The following SLC39A14 variants were observed in gnomAD, a reference collection of about 807,000 sequenced individuals.
SLC39A14 encodes the protein solute carrier family 39 member 14, also known as metal cation symporter ZIP14.
SLC39A14 carries 19 observed loss-of-function variants against 45.5 expected under a neutral mutation model. The observed-to-expected ratio is 0.42, with a 90% CI of 0.29 to 0.61. SLC39A14 has a LOEUF of 0.61. Ranked by LOEUF, SLC39A14 falls within the 20% of genes least tolerant of loss-of-function variation. The pLI is 0.22. For missense variants in SLC39A14, 447 were observed against 616.5 expected, an observed-to-expected ratio of 0.73 and a Z score of 2.91; for synonymous variants, 264 against 251.3, an observed-to-expected ratio of 1.05 and a Z score of -0.48.
downstream of SLC39A14, among the ~76,000 whole-genome samples, chr8:22,427,301 A>G (rs1836403355): frequency 6.6e-6 from 1 of 152,124 alleles, no homozygotes; most frequent in Non-Finnish European, 1.5e-5. Context: ...CTCCATCTCG[A>G]AAAGAAAAAA....
chr8:22,433,991 T>C, exon 9 of SLC39A14: 2 of 399,966 alleles, frequency 5.0e-6, no homozygotes, highest in Non-Finnish European at 5.1e-6. Context: ...TGTCTAAGCC[T>C]CCCGAGTAAC....
chr8:22,396,172 G>A (rs1017728352), intron 1 of SLC39A14, among the ~76,000 whole-genome samples: 50 of 151,762 alleles, frequency 3.3e-4, no homozygotes, highest in African/African-American at 1.2e-3. Flanking sequence ...TTTGAGACCA[G>A]CTTAGCCAAC....
At chr8:22,368,582 G>A (rs543250061) in intron 1 of SLC39A14, among the ~76,000 whole-genome samples, 3 of 151,370 alleles carry the variant, frequency 2.0e-5, no homozygotes, top group East Asian at 3.9e-4. Flanking sequence ...TGTTGCCCAC[G>A]CAAGAGTGCA....
In SLC39A14 at chr8:22,420,921, T is replaced by G; in HGVS notation, c.*1223T>G. On this transcript the variant is annotated 3_prime_UTR_variant, in exon 9 of 9. Transcript: ENST00000381237. ...TTGCAAAAAAAGTCGAATCCTGCATTGAATTGAATATGAATTTCTCTAACT... is the reference window on the plus strand; with the variant it reads ...TTGCAAAAAAAGTCGAATCCTGCATGGAATTGAATATGAATTTCTCTAACT... 1 of 985,796 alleles carries G rather than the reference T, an allele frequency of 1.0e-6. No homozygotes were observed. Among genetic ancestry groups the G allele is most frequent in the Non-Finnish European group, 1.2e-6 (1 of 829,932 alleles). 61.1% of individuals were successfully genotyped at this position (985,796 alleles called of 1,614,324 possible). A position where few individuals can be genotyped will look rare whatever the true frequency, so the allele number is the denominator to read the frequency against.
chr8:22,408,912 T>C (rs12676477), intron 3 of SLC39A14, among the ~76,000 whole-genome samples: 65,991 of 150,918 alleles, frequency 0.44, 16,056 homozygotes, highest in African/African-American at 0.65. Flanking sequence ...CCTTGACCTT[T>C]TGGCCTGAAG....
rs772603835 is a variant in SLC39A14 at position 22,404,842 on chromosome 8, G to T, written c.132G>T (p.Leu44=). Residue 44 remains leucine (L), a synonymous_variant, in exon 2 of 9, where the codon CTG becomes CTT. Transcript: ENST00000381237. ...CAGCTATCAGCGCTGCCTCCTTCCT[G>T]CAGGATCTAATACATCGGTATGGCG... ...GAPAISAASF[L]QDLIHRYGEG... 1 of 1,614,198 alleles carries T rather than the reference G, an allele frequency of 6.2e-7. No homozygotes were observed. The highest frequency in any genetic ancestry group is 8.5e-7 in the Non-Finnish European group (1 of 1,180,028).
downstream of SLC39A14, among the ~76,000 whole-genome samples, chr8:22,427,514 A>T (rs1329039630): frequency 6.8e-6 from 1 of 146,644 alleles, no homozygotes; most frequent in Non-Finnish European, 1.5e-5. Context: ...CTAGTAAGGA[A>T]AAAAAAAAAA....
intron 1 of SLC39A14, chr8:22,390,220 C>G (rs1480792644): frequency 1.9e-5 from 3 of 154,790 alleles, no homozygotes; most frequent in African/African-American, 4.8e-5. Flanking sequence ...CCCTTGAGGT[C>G]TAATGTCTAC....
At chr8:22,394,495 A>G (rs1834264348) in intron 1 of SLC39A14, among the ~76,000 whole-genome samples, 1 of 150,970 alleles carries the variant, frequency 6.6e-6, no homozygotes, top group Non-Finnish European at 1.5e-5. Flanking sequence ...AATTTTTTGT[A>G]TTTTTAGTAG....
At chr8:22,404,464 T>TTTTTG (rs1835081894) in intron 1 of SLC39A14, 1 of 219,130 alleles carries the variant, frequency 4.6e-6, no homozygotes, top group African/African-American at 3.0e-5. Context: ...TGCTGTTTGT[T>TTTTTG]TTTTTTTTTT....
rs538556808 is a variant in SLC39A14 at position 22,376,567 on chromosome 8, CTGT to C, written c.-16+9170_-16+9172del. ...TCCACACTGAAAAAAGGTGGGTTTT[CTGT>C]TGTTGTTGTTTTACAAAAACTGAAT... On this transcript the variant is annotated intron_variant, in intron 1 of 8. Coordinates refer to ENST00000381237, the MANE Select transcript of SLC39A14 (RefSeq NM_001128431.4). Among the ~76,000 whole-genome samples, 196 of 152,000 alleles carry C rather than the reference CTGT, an allele frequency of 1.3e-3. 1 individual carries two copies. Among genetic ancestry groups the C allele is most frequent in the African/African-American group, 4.5e-3 (186 of 41,474 alleles).
chr8:22,416,211 A>T lies in SLC39A14; in HGVS notation c.1078A>T (p.Thr360Ser). 6.2e-7 allele frequency: 1 copy of T among 1,613,320 alleles called. No homozygotes were observed. The highest frequency in any genetic ancestry group is 8.5e-7 in the Non-Finnish European group (1 of 1,179,866). The change falls in exon 7 of 9, where the codon ACT becomes TCT. Residue 360 changes from threonine to serine, a missense_variant. Transcript: ENST00000381237. ...IDGLAIGASF[T>S]VSVFQGISTS... is the part of the protein sequence containing the mutation. The stretch of plus-strand genomic sequence containing the variant: ...TGGCCTGGCCATCGGTGCTTCCTTC[A>T]CTGTGTCAGTTTTCCAAGGCATCAG...
chr8:22,394,367 C>T (rs1182272650), intron 1 of SLC39A14, among the ~76,000 whole-genome samples: 2 of 148,526 alleles, frequency 1.3e-5, no homozygotes, highest in Admixed American at 6.8e-5. Flanking sequence ...CTCTGTCACC[C>T]AGGCTGGAGT....
At chr8:22,387,511 A>C (rs113972091) in intron 1 of SLC39A14, among the ~76,000 whole-genome samples, 8,735 of 152,252 alleles carry the variant, frequency 0.057, 819 homozygotes, top group African/African-American at 0.2. Context: ...GGAGGAGTGA[A>C]AGGGCAAGTG....
At chr8:22,383,006 C>T (rs928507877) in intron 1 of SLC39A14, among the ~76,000 whole-genome samples, 2 of 152,046 alleles carry the variant, frequency 1.3e-5, no homozygotes, top group African/African-American at 4.8e-5. Context: ...GCGTGAGTCA[C>T]CGCGGCCGGT....
At position 22,414,857 on chromosome 8, in the gene SLC39A14, T is replaced by C; in HGVS notation, c.705T>C (p.Phe235=). The C allele has an allele frequency of 6.2e-7, 1 of 1,613,646 alleles. No homozygotes were observed. The highest frequency in any genetic ancestry group is 8.5e-7 in the Non-Finnish European group (1 of 1,179,914). The change falls in exon 5 of 9, where the codon TTT becomes TTC. Residue 235 remains phenylalanine (F), a synonymous_variant. Transcript: ENST00000381237. Reference sequence around the variant, plus strand: ...TGTTTGGGGGCTTTTATCTTTTCTTTTTCACAGAGAAGATCTTGAAGATTC... The same window carrying C: ...TGTTTGGGGGCTTTTATCTTTTCTTCTTCACAGAGAAGATCTTGAAGATTC... The part of the protein sequence containing the change: ...AVVFGGFYLF[F]FTEKILKILL...
rs574083785 is a variant in SLC39A14, at chr8:22,422,101, T to C, written c.*2403T>C. The stretch of plus-strand genomic sequence containing the variant: ...ATTTTTAGTTGTTGAATTTGCTGTT[T>C]CAAGCATTTGTACATATTAGAAGTC... On this transcript the variant is annotated 3_prime_UTR_variant, in exon 9 of 9. Coordinates refer to ENST00000381237, the MANE Select transcript of SLC39A14 (RefSeq NM_001128431.4). 17 of 985,458 alleles carry C rather than the reference T, an allele frequency of 1.7e-5. No individual in the cohort carries two copies. The African/African-American group carries it at 2.8e-4, about 16-fold the overall frequency. 61.0% of individuals were successfully genotyped at this position (985,458 alleles called of 1,614,324 possible).
At position 22,393,299 on chromosome 8, in the gene SLC39A14, G is replaced by A. The variant is rs757733336; in HGVS notation, c.-15-11397G>A. On this transcript the variant is annotated intron_variant, in intron 1 of 8. Coordinates refer to ENST00000381237, the MANE Select transcript of SLC39A14 (RefSeq NM_001128431.4). ...GGGGAGAATGGGCCGATTAAGCCCCGGGGCAGGGCCAAGCGAGGGTTGGTT... is the reference window on the plus strand; with the variant it reads ...GGGGAGAATGGGCCGATTAAGCCCCAGGGCAGGGCCAAGCGAGGGTTGGTT... 60 of 928,052 alleles carry A rather than the reference G, an allele frequency of 6.5e-5. 1 individual carries two copies. In the Middle Eastern group the frequency reaches 4.4e-3, roughly 68 times the overall value. The allele number at this position is 928,052 out of a possible 1,614,324, so 57.5% of individuals were successfully genotyped here.
chr8:22,425,134 C>T (rs1431619737), downstream of SLC39A14, among the ~76,000 whole-genome samples: 1 of 151,546 alleles, frequency 6.6e-6, no homozygotes, highest in Non-Finnish European at 1.5e-5. Flanking sequence ...GTCTTCCAGT[C>T]ATCAGTGATG....
Sources: gnomAD v4.1 joint callset for allele counts (sites outside exome capture counted in the v4.1 genomes callset) on GRCh38, gnomAD v4.1.1 for gene constraint, MANE v1.5 for transcripts, NCBI Gene and HGNC (gene_info 2026-07-23, HGNC 2026-07-21) for gene names.